Variants in JAZF1 observed in about 807,000 individuals in gnomAD.
JAZF1 encodes JAZF zinc finger 1, also known as juxtaposed with another zinc finger protein 1.
Under a neutral mutation model 26.4 loss-of-function variants are expected in JAZF1, and 8 were observed. The observed-to-expected ratio is 0.30, with a 90% confidence interval of 0.18 to 0.55. The LOEUF (loss-of-function observed/expected upper bound fraction) is 0.55, where lower values mean the gene tolerates loss of function less well. JAZF1 is among the 20% of genes least tolerant of loss of function. The pLI, the probability that JAZF1 is intolerant of heterozygous loss-of-function variation, is 0.94. For synonymous variants in JAZF1, 126 were observed against 122.3 expected (o/e 1.03, Z -0.20); for missense variants, 199 against 322.0 (o/e 0.62, Z 2.92).
chr7:28,016,366 C>A (rs929549981), intron 1 of JAZF1, among the ~76,000 whole-genome samples: 5 of 152,204 alleles, frequency 3.3e-5, no homozygotes, highest in Admixed American at 6.5e-5. Flanking sequence ...GAGGCCTGAA[C>A]AACCCATAAA....
intron 3 of JAZF1, 146 bp downstream of exon 3, chr7:27,895,074 C>A: frequency 4.7e-6 from 2 of 428,446 alleles, no homozygotes; most frequent in South Asian, 7.6e-5. Context: ...AAGAATTTAT[C>A]AATATGTAGA....
intron 1 of JAZF1, among the ~76,000 whole-genome samples, chr7:28,132,308 T>C (rs1374323969): frequency 6.6e-6 from 1 of 152,040 alleles, no homozygotes; most frequent in Non-Finnish European, 1.5e-5. Flanking sequence ...CAACATGAAA[T>C]TAAGTCATGT....
intron 2 of JAZF1, among the ~76,000 whole-genome samples, chr7:27,982,563 A>T (rs1785607098): frequency 6.6e-6 from 1 of 152,244 alleles, no homozygotes; most frequent in Non-Finnish European, 1.5e-5. Flanking sequence ...AAACTTCTGC[A>T]GACTTAAACG....
intron 3 of JAZF1, among the ~76,000 whole-genome samples, chr7:27,868,866 C>A (rs1562772734): frequency 6.6e-6 from 1 of 152,134 alleles, no homozygotes; most frequent in East Asian, 1.9e-4. Flanking sequence ...TTTCACGGTG[C>A]CTGACAGAGA....
intron 3 of JAZF1, 89 bp downstream of exon 3, chr7:27,895,131 C>T: frequency 1.3e-6 from 1 of 793,194 alleles, no homozygotes. Context: ...GTCATCTGTC[C>T]CCAGCCCCTT....
At chr7:28,173,396 C>CATATACACACATAAAT (rs1316696100) in intron 1 of JAZF1, among the ~76,000 whole-genome samples, 1 of 152,122 alleles carries the variant, frequency 6.6e-6, no homozygotes, top group Non-Finnish European at 1.5e-5. Flanking sequence ...CAAATGTATA[C>CATATACACACATAAAT]ATATACACAC....
intron 2 of JAZF1, among the ~76,000 whole-genome samples, chr7:27,916,211 T>C (rs555240482): frequency 3.9e-4 from 59 of 152,004 alleles, no homozygotes; most frequent in Non-Finnish European, 8.1e-4. Context: ...AAAGGATTAG[T>C]TGCAGCCTAA....
intron 1 of JAZF1, among the ~76,000 whole-genome samples, chr7:28,170,346 TG>T (rs1783439300): frequency 2.1e-4 from 1 of 4,726 alleles, no homozygotes; most frequent in Admixed American, 1.5e-3. Context: ...TATGTGTGTG[TG>T]TGTGTGTGTG....
chr7:28,159,429 G>A (rs1783243081), intron 1 of JAZF1, among the ~76,000 whole-genome samples: 1 of 151,902 alleles, frequency 6.6e-6, no homozygotes, highest in Admixed American at 6.6e-5. Context: ...CAACTCAGGA[G>A]AGGAGGACCG....
At chr7:28,050,067 A>G (rs935484957) in intron 1 of JAZF1, among the ~76,000 whole-genome samples, 1 of 152,174 alleles carries the variant, frequency 6.6e-6, no homozygotes, top group Non-Finnish European at 1.5e-5. Context: ...GAAGCCCACC[A>G]AGAGTTGCCT....
In JAZF1 at chr7:27,857,298, G is replaced by A. The variant is rs527420708; in HGVS notation, c.386-16431C>T. Among the ~76,000 whole-genome samples, 460 of 152,302 alleles carry A rather than the reference G, an allele frequency of 3.0e-3. 4 individuals carry two copies. Among genetic ancestry groups the A allele is most frequent in the Non-Finnish European group, 4.6e-3 (314 of 68,002 alleles). On this transcript the variant is annotated intron_variant, in intron 3 of 4. Coordinates refer to ENST00000283928, the MANE Select transcript of JAZF1 (RefSeq NM_175061.4). Reference sequence around the variant, plus strand: ...CCTGGGGCTTGCGGGCTGGCTGGCCGCTCCGAGTGCGGGGACCGCCGAGCC... The same window carrying A: ...CCTGGGGCTTGCGGGCTGGCTGGCCACTCCGAGTGCGGGGACCGCCGAGCC...
intron 1 of JAZF1, among the ~76,000 whole-genome samples, chr7:28,074,523 A>T (rs1397141713): frequency 6.6e-6 from 1 of 152,250 alleles, no homozygotes; most frequent in East Asian, 1.9e-4. Flanking sequence ...ACACACATAC[A>T]TACAGAGTCC....
At chr7:27,955,139 T>C (rs1557779) in intron 2 of JAZF1, among the ~76,000 whole-genome samples, 129,439 of 152,230 alleles carry the variant, frequency 0.85, 55,796 homozygotes, top group South Asian at 0.93. Context: ...TTGGTCTACA[T>C]AAATTTCTTA....
chr7:27,853,881 C>G (rs1283237786), intron 3 of JAZF1, among the ~76,000 whole-genome samples: 1 of 152,190 alleles, frequency 6.6e-6, no homozygotes, highest in East Asian at 1.9e-4. Context: ...CTGTAGATGT[C>G]TATTAGGTCC....
intron 1 of JAZF1, among the ~76,000 whole-genome samples, chr7:28,101,637 G>A (rs985728989): frequency 6.7e-6 from 1 of 150,156 alleles, no homozygotes; most frequent in Admixed American, 6.6e-5. Flanking sequence ...CCAGCTACTT[G>A]GGAGGCTGTG....
At chr7:28,028,412 G>A (rs942051794) in intron 1 of JAZF1, among the ~76,000 whole-genome samples, 4 of 152,194 alleles carry the variant, frequency 2.6e-5, no homozygotes, top group African/African-American at 9.7e-5. Flanking sequence ...CACTATGGCT[G>A]TATTCTTAAG....
intron 2 of JAZF1, among the ~76,000 whole-genome samples, chr7:27,983,999 C>T (rs1403976733): frequency 1.3e-5 from 2 of 152,132 alleles, no homozygotes; most frequent in South Asian, 2.1e-4. Context: ...CAAAAACATG[C>T]CAAATTGTAA....
intron 3 of JAZF1, among the ~76,000 whole-genome samples, chr7:27,868,057 C>T (rs1783509322): frequency 6.6e-6 from 1 of 152,178 alleles, no homozygotes. Flanking sequence ...TTCCATTTGC[C>T]ATTTTCTTCT....
intron 2 of JAZF1, among the ~76,000 whole-genome samples, chr7:27,899,687 A>C (rs1784136361): frequency 6.6e-6 from 1 of 151,844 alleles, no homozygotes; most frequent in Non-Finnish European, 1.5e-5. Context: ...CTCCCACCCA[A>C]AGTGTTAGGA....
Sources: allele counts gnomAD v4.1 joint callset (sites outside exome capture counted in the v4.1 genomes callset), GRCh38; gene constraint gnomAD v4.1.1; transcripts MANE v1.5; gene names NCBI Gene and HGNC (gene_info 2026-07-23, HGNC 2026-07-21).